The following PCNT variants were observed in gnomAD, a reference collection of about 807,000 sequenced individuals.
PCNT encodes the protein kendrin.
A neutral mutation model predicts 380.4 loss-of-function variants in PCNT; 319 were observed. That is an observed-to-expected ratio of 0.84 (90% CI 0.77 to 0.92). The LOEUF is 0.92. Ranked by LOEUF, PCNT falls within the 40% of genes least tolerant of loss-of-function variation. The pLI is 0.00. For missense variants in PCNT, 4,400 were observed against 4,255.3 expected (o/e 1.03, Z -0.95); for synonymous variants, 1,845 against 1,735.2 (o/e 1.06, Z -1.57).
chr21:46,412,009 C>G lies in PCNT; in HGVS notation c.5936C>G (p.Thr1979Ser). The G allele has an allele frequency of 6.2e-7, 1 of 1,607,200 alleles. No homozygotes were observed. The highest frequency in any genetic ancestry group is 8.5e-7 in the Non-Finnish European group (1 of 1,179,840). Reference protein sequence around the residue: ...RMDGGAKAQVTGDVEASHDAA... With the variant: ...RMDGGAKAQVSGDVEASHDAA... ...GATGGTGGCGCCAAGGCCCAGGTCACCGGCGACGTGGAGGCCTCCCATGAT... is the reference window on the plus strand; with the variant it reads ...GATGGTGGCGCCAAGGCCCAGGTCAGCGGCGACGTGGAGGCCTCCCATGAT... The change falls in exon 28 of 47, where the codon ACC becomes AGC. Residue 1979 changes from threonine (T) to serine (S), a missense_variant. Thr to Ser is a moderately conservative substitution (Grantham distance 58). Coordinates refer to ENST00000359568, the MANE Select transcript of PCNT (RefSeq NM_006031.6).
intron 32 of PCNT, among the ~76,000 whole-genome samples, chr21:46,422,503 C>G (rs1207699295): frequency 1.3e-5 from 2 of 152,228 alleles, no homozygotes; most frequent in Non-Finnish European, 2.9e-5. Context: ...GAGCCGAGTT[C>G]TCTTCAGACG....
rs780110155 is a variant in PCNT, at chr21:46,398,146, G to A, written c.4563+16G>A. On this transcript the variant is annotated intron_variant, in intron 23 of 46. Transcript: ENST00000359568. ...CGACAGCCAGGTGAGTCAGTGCAGC[G>A]TGCAGTGCTGCTGGTTGCTGTCTTT... 6.2e-6 allele frequency: 10 copies of A among 1,603,786 alleles called. No homozygotes were observed. Among genetic ancestry groups the A allele is most frequent in the South Asian group, 1.1e-5 (1 of 90,120 alleles).
intron 27 of PCNT, among the ~76,000 whole-genome samples, chr21:46,409,592 C>T (rs943771640): frequency 1.1e-4 from 16 of 152,128 alleles, no homozygotes; most frequent in African/African-American, 3.1e-4. Flanking sequence ...TGCTTGCATA[C>T]GCTTTTTGCT....
rs1371107733 is a variant in PCNT at position 46,427,602 on chromosome 21, T to TTTCTTCC, written c.7321-10_7321-4dup. 1 of 1,613,810 alleles carries TTTCTTCC rather than the reference T, an allele frequency of 6.2e-7. No individual in the cohort carries two copies. Among genetic ancestry groups the TTTCTTCC allele is most frequent in the Admixed American group, 1.7e-5 (1 of 60,024 alleles). ...CAGGTGCATTTGTGAGGACGCCACG[T>TTTCTTCC]TTCTTCCTTCTTCCTTTAGGAAGTG... is the stretch of plus-strand genomic sequence containing the variant. On this transcript the variant is annotated intron_variant, in intron 33 of 46. Coordinates refer to ENST00000359568, the MANE Select transcript of PCNT (RefSeq NM_006031.6).
intron 27 of PCNT, among the ~76,000 whole-genome samples, chr21:46,403,402 G>A (rs1344792518): frequency 7.2e-6 from 1 of 139,050 alleles, no homozygotes; most frequent in African/African-American, 2.7e-5. Context: ...TGGTGCCCAC[G>A]CGGCGCGTGA....
intron 32 of PCNT, 46 bp downstream of exon 32, chr21:46,422,170 CG>C: frequency 6.2e-7 from 1 of 1,606,710 alleles, no homozygotes; most frequent in Non-Finnish European, 8.5e-7. Flanking sequence ...TGTGCAGCCT[CG>C]GGGCATCCCC....
In PCNT at chr21:46,347,495, A is replaced by C. The variant is rs2146562342; in HGVS notation, c.1015A>C (p.Asn339His). 6.2e-7 allele frequency: 1 copy of C among 1,613,566 alleles called. No individual in the cohort carries two copies. Among genetic ancestry groups the C allele is most frequent in the Non-Finnish European group, 8.5e-7 (1 of 1,179,872 alleles). The part of the protein sequence containing the change: ...KEKLQSEMEK[N>H]AQIVKTLKED... ...GAAGTTACAATCAGAAATGGAGAAA[A>C]ACGCCCAGATAGTAAAGGTACCCGG... The change falls in exon 6 of 47, where the codon AAC becomes CAC. Residue 339 changes from asparagine (N) to histidine (H), a missense_variant. By Grantham distance (68) the Asn-to-His change is moderately conservative. Transcript: ENST00000359568.
rs552778876 is a variant in PCNT at position 46,429,631 on chromosome 21, T to A, written c.7691-379T>A. On this transcript the variant is annotated intron_variant, in intron 35 of 46. Coordinates refer to ENST00000359568, the MANE Select transcript of PCNT (RefSeq NM_006031.6). ...GAAGTAGCCCCTCCGCCCTCCGTTG[T>A]CTAGAATTGGGGTTATTTCTTCCTT... is the stretch of plus-strand genomic sequence containing the variant. Among the ~76,000 whole-genome samples the A allele has an allele frequency of 3.6e-4, 55 of 152,288 alleles. No homozygotes were observed. The South Asian group carries it at 9.5e-3, about 26-fold the overall frequency.
chr21:46,357,411 G>A (rs928514343), intron 13 of PCNT, among the ~76,000 whole-genome samples: 3 of 152,180 alleles, frequency 2.0e-5, no homozygotes, highest in Admixed American at 2.0e-4. Flanking sequence ...GTCAGCACCG[G>A]GGCGAAAGTG....
At chr21:46,433,270 C>T (rs1411572710) in intron 38 of PCNT, among the ~76,000 whole-genome samples, 2 of 152,314 alleles carry the variant, frequency 1.3e-5, no homozygotes, top group Non-Finnish European at 2.9e-5. Flanking sequence ...GTAATCCCAG[C>T]TATTCGGGAG....
Position 46,425,599 on chromosome 21 carries a change from C to T in PCNT, c.7180-232C>T, listed in dbSNP as rs1223223848. 1.3e-5 allele frequency among the ~76,000 whole-genome samples: 2 copies of T among 152,184 alleles called. No individual in the cohort carries two copies. The highest frequency in any genetic ancestry group is 2.9e-5 in the Non-Finnish European group (2 of 68,034). On this transcript the variant is annotated intron_variant, in intron 32 of 46. Transcript: ENST00000359568. The surrounding 1 kb of genome is among the most constrained non-coding windows in gnomAD (Gnocchi z 4.2). ...CTTTGGAGTGGCTTATAGAGAAATT[C>T]ACTCCAAGCCTGGCTTCCGTGTTGT...
chr21:46,353,347 C>T, intron 10 of PCNT, 21 bp downstream of exon 10: 2 of 1,598,428 alleles, frequency 1.3e-6, no homozygotes, highest in Non-Finnish European at 1.7e-6. Flanking sequence ...CAGTTCCAGC[C>T]TCAGTGAGTT....
At chr21:46,383,917 G>T (rs2085707090) in intron 16 of PCNT, among the ~76,000 whole-genome samples, 1 of 146,572 alleles carries the variant, frequency 6.8e-6, no homozygotes, top group South Asian at 2.3e-4. Flanking sequence ...CATTCACAGT[G>T]TTGTGCGTTC....
Position 46,359,043 on chromosome 21 carries a change from C to T in PCNT, c.2154+1852C>T, listed in dbSNP as rs1569195296. 2.0e-5 allele frequency among the ~76,000 whole-genome samples: 3 copies of T among 151,856 alleles called. No homozygotes were observed. The South Asian group carries it at 6.2e-4, about 32-fold the overall frequency. On this transcript the variant is annotated intron_variant, in intron 13 of 46. Coordinates refer to ENST00000359568, the MANE Select transcript of PCNT (RefSeq NM_006031.6). The stretch of plus-strand genomic sequence containing the variant: ...CAGGATGGTCTCGATCTCCTGACCT[C>T]GTGATCCACCCGCCTCAGCCTCCCA...
rs751297741 is a variant in PCNT, at chr21:46,425,849, C to A, written c.7198C>A (p.Arg2400Ser). ...GCCACAGGCTTTACTGCAGATGGTG[C>A]GTGACGAGAGCCACCAGATCCTGGC... ...KHVKALLQMV[R>S]DESHQILALS... Residue 2400 changes from arginine (R) to serine (S), a missense_variant, in exon 33 of 47, where the codon CGT becomes AGT. Physicochemically the swap from Arg to Ser is moderately radical, Grantham distance 110 (BLOSUM62 -1). Coordinates refer to ENST00000359568, the MANE Select transcript of PCNT (RefSeq NM_006031.6). This position sits in a 1 kb window ranked among gnomAD's most constrained non-coding sequence, Gnocchi z 4.2. 7 of 1,613,634 alleles carry A rather than the reference C, an allele frequency of 4.3e-6. No homozygotes were observed. The highest frequency in any genetic ancestry group is 5.9e-6 in the Non-Finnish European group (7 of 1,180,006).
chr21:46,333,512 C>T (rs1284802650), intron 2 of PCNT, among the ~76,000 whole-genome samples: 1 of 151,660 alleles, frequency 6.6e-6, no homozygotes, highest in East Asian at 1.9e-4. Context: ...GAGGCTGAGG[C>T]AGGAGAATTG....
Position 46,355,612 on chromosome 21 carries a change from A to C in PCNT, c.1922A>C (p.Glu641Ala). Residue 641 changes from glutamate (E) to alanine (A), a missense_variant, in exon 12 of 47, where the codon GAA becomes GCA. Transcript: ENST00000359568. ...LGHEWRLEPS[E>A]GHSQELPWVH... ...CACGAGTGGCGTCTGGAACCCTCTGAAGGGCACAGCCAAGGTGGGCCCCTC... is the reference window on the plus strand; with the variant it reads ...CACGAGTGGCGTCTGGAACCCTCTGCAGGGCACAGCCAAGGTGGGCCCCTC... 6.2e-7 allele frequency: 1 copy of C among 1,613,732 alleles called. No individual in the cohort carries two copies. The highest frequency in any genetic ancestry group is 8.5e-7 in the Non-Finnish European group (1 of 1,179,924).
At chr21:46,426,080 T>TC in intron 33 of PCNT, 109 bp downstream of exon 33, 2 of 1,051,124 alleles carry the variant, frequency 1.9e-6, no homozygotes. Context: ...TTTTTTTTTT[T>TC]TTTTTTTTTT....
intron 15 of PCNT, among the ~76,000 whole-genome samples, chr21:46,373,017 T>C (rs958810599): frequency 4.6e-5 from 7 of 150,946 alleles, no homozygotes; most frequent in Admixed American, 6.6e-5. Flanking sequence ...TCTTCTAGGG[T>C]GACTGTTGTT....
Sources: allele counts gnomAD v4.1 joint callset (sites outside exome capture counted in the v4.1 genomes callset), GRCh38; gene constraint gnomAD v4.1.1; non-coding constraint Gnocchi (gnomAD v3.1); transcripts MANE v1.5; gene names NCBI Gene and HGNC (gene_info 2026-07-23, HGNC 2026-07-21).